The following GALNTL6 variants were observed in gnomAD, a reference collection of about 807,000 sequenced individuals.
GALNTL6 encodes the protein polypeptide N-acetylgalactosaminyltransferase like 6.
Under a neutral mutation model 73.7 loss-of-function variants are expected in GALNTL6, and 46 were observed. The ratio of observed to expected loss-of-function variants is 0.62; its 90% confidence interval spans 0.49 to 0.80. GALNTL6 has a LOEUF of 0.80. Ranked by LOEUF, GALNTL6 falls within the 30% of genes least tolerant of loss-of-function variation. The pLI is 0.00. For synonymous variants in GALNTL6, 259 were observed against 263.7 expected, an observed-to-expected ratio of 0.98 and a Z score of 0.17; for missense variants, 604 against 755.0, an observed-to-expected ratio of 0.80 and a Z score of 2.34.
intron 10 of GALNTL6, among the ~76,000 whole-genome samples, chr4:172,978,219 C>T (rs1490388509): frequency 6.6e-6 from 1 of 152,134 alleles, no homozygotes; most frequent in African/African-American, 2.4e-5. Context: ...CTGGATATAG[C>T]TTTGCTTGAA....
chr4:172,948,591 TA>T (rs1749285153), intron 9 of GALNTL6, among the ~76,000 whole-genome samples: 1 of 151,450 alleles, frequency 6.6e-6, no homozygotes, highest in African/African-American at 2.4e-5. Context: ...TAGCTGGGAT[TA>T]CAGGCACCTG....
rs144004078 is a variant in GALNTL6, at chr4:172,230,924, C to G, written c.247+1160C>G. ...AAATTGTTCTGGGCTGTGAAATGTT[C>G]GTAGCTCTGTATCAGGTATGGCTGA... is the stretch of plus-strand genomic sequence containing the variant. On this transcript the variant is annotated intron_variant, in intron 3 of 12. Coordinates refer to ENST00000506823, the MANE Select transcript of GALNTL6 (RefSeq NM_001034845.3). Among the ~76,000 whole-genome samples the G allele has an allele frequency of 1.5e-3, 232 of 152,234 alleles. 1 individual carries two copies. The highest frequency in any genetic ancestry group is 5.4e-3 in the African/African-American group (223 of 41,542).
intron 12 of GALNTL6, among the ~76,000 whole-genome samples, chr4:173,034,169 C>G (rs1753587647): frequency 6.6e-6 from 1 of 152,202 alleles, no homozygotes; most frequent in Non-Finnish European, 1.5e-5. Flanking sequence ...GGGTCACCCC[C>G]AACTCATCCC....
chr4:172,180,894 C>A (rs1249321141), intron 2 of GALNTL6, among the ~76,000 whole-genome samples: 2 of 152,150 alleles, frequency 1.3e-5, no homozygotes, highest in African/African-American at 2.4e-5. Flanking sequence ...ATGCCTCAAG[C>A]TTTGTTCTTT....
At chr4:172,210,793 T>G (rs2110925245) in intron 2 of GALNTL6, among the ~76,000 whole-genome samples, 1 of 152,294 alleles carries the variant, frequency 6.6e-6, no homozygotes, top group South Asian at 2.1e-4. Flanking sequence ...GGGTGGAATA[T>G]GTACATAATT....
At chr4:172,522,763 GT>G (rs1365466774) in intron 5 of GALNTL6, among the ~76,000 whole-genome samples, 1 of 150,192 alleles carries the variant, frequency 6.7e-6, no homozygotes, top group Non-Finnish European at 1.5e-5. Flanking sequence ...CACGCCATTT[GT>G]CATTTAAAAG....
At chr4:172,124,077 G>C (rs1733226551) in intron 2 of GALNTL6, among the ~76,000 whole-genome samples, 1 of 152,096 alleles carries the variant, frequency 6.6e-6, no homozygotes. Flanking sequence ...AAATCTGATG[G>C]AAGTTTGTTA....
intron 2 of GALNTL6, among the ~76,000 whole-genome samples, chr4:172,193,320 C>T (rs1377723483): frequency 2.0e-5 from 3 of 152,184 alleles, no homozygotes; most frequent in Non-Finnish European, 4.4e-5. Context: ...GAAGAAGTAG[C>T]AGGCAGCTAT....
At chr4:172,204,613 G>C (rs1288522408) in intron 2 of GALNTL6, among the ~76,000 whole-genome samples, 1 of 152,060 alleles carries the variant, frequency 6.6e-6, no homozygotes, top group African/African-American at 2.4e-5. Context: ...ATTTTCAAAA[G>C]TGTCTTAGTT....
chr4:172,821,402 A>G (rs1420669296), intron 7 of GALNTL6, among the ~76,000 whole-genome samples: 1 of 152,072 alleles, frequency 6.6e-6, no homozygotes, highest in Non-Finnish European at 1.5e-5. Context: ...ATTTTCTTTT[A>G]CTCTCCTTGT....
At chr4:172,640,404 C>A (rs1381115237) in intron 5 of GALNTL6, among the ~76,000 whole-genome samples, 1 of 152,122 alleles carries the variant, frequency 6.6e-6, no homozygotes, top group Non-Finnish European at 1.5e-5. Context: ...CATTTAATCT[C>A]ATGTCTTTAA....
chr4:172,158,466 G>A (rs1734354155), intron 2 of GALNTL6, among the ~76,000 whole-genome samples: 2 of 151,124 alleles, frequency 1.3e-5, no homozygotes, highest in African/African-American at 2.4e-5. Flanking sequence ...ATATCAAACT[G>A]TAGTTTTATG....
chr4:172,030,288 A>G lies in GALNTL6; in HGVS notation c.139-199368A>G, dbSNP rs143263159. On this transcript the variant is annotated intron_variant, in intron 2 of 12. Coordinates refer to ENST00000506823, the MANE Select transcript of GALNTL6 (RefSeq NM_001034845.3). Reference sequence around the variant, plus strand: ...ACAATAGCTCTGGTTTACAAAATAAATATGATACCTATTTTCTTAAAGGTA... The same window carrying G: ...ACAATAGCTCTGGTTTACAAAATAAGTATGATACCTATTTTCTTAAAGGTA... 7.2e-3 allele frequency among the ~76,000 whole-genome samples: 1,094 copies of G among 152,232 alleles called. 12 individuals are homozygous for G. Among genetic ancestry groups the G allele is most frequent in the Non-Finnish European group, 0.013 (909 of 67,998 alleles).
At chr4:172,607,303 C>G (rs951974459) in intron 5 of GALNTL6, among the ~76,000 whole-genome samples, 1 of 152,104 alleles carries the variant, frequency 6.6e-6, no homozygotes, top group African/African-American at 2.4e-5. Flanking sequence ...CCAACCTCCA[C>G]CCTCAAGTAG....
chr4:172,427,337 C>G (rs1389684149), intron 5 of GALNTL6, among the ~76,000 whole-genome samples: 1 of 152,082 alleles, frequency 6.6e-6, no homozygotes, highest in South Asian at 2.1e-4. Flanking sequence ...GGGGAACTCT[C>G]CTTTATAAAA....
At chr4:172,334,213 A>C (rs1354169870) in intron 4 of GALNTL6, among the ~76,000 whole-genome samples, 1 of 152,128 alleles carries the variant, frequency 6.6e-6, no homozygotes, top group Non-Finnish European at 1.5e-5. Context: ...CTTTTTGCTT[A>C]GGACTGCTTT....
chr4:172,851,036 A>T (rs1012911028), intron 7 of GALNTL6, among the ~76,000 whole-genome samples: 4 of 152,062 alleles, frequency 2.6e-5, no homozygotes, highest in Non-Finnish European at 5.9e-5. Flanking sequence ...ACTCATTATT[A>T]ACTCAATTTC....
At chr4:172,650,460 C>T (rs574931310) in intron 5 of GALNTL6, among the ~76,000 whole-genome samples, 97 of 152,040 alleles carry the variant, frequency 6.4e-4, no homozygotes, top group Non-Finnish European at 1.1e-3. Flanking sequence ...CTTAATGAGT[C>T]AGGAAAAAAA....
chr4:172,068,903 G>A lies in GALNTL6; in HGVS notation c.139-160753G>A, dbSNP rs761122175. Among the ~76,000 whole-genome samples, 10 of 110,024 alleles carry A rather than the reference G, an allele frequency of 9.1e-5. 3 individuals are homozygous for A. The highest frequency in any genetic ancestry group is 2.8e-4 in the Admixed American group (3 of 10,606). The allele number at this position is 110,024 out of a possible 152,430, so 72.2% of individuals were successfully genotyped here. On this transcript the variant is annotated intron_variant, in intron 2 of 12. Coordinates refer to ENST00000506823, the MANE Select transcript of GALNTL6 (RefSeq NM_001034845.3). ...GAGCATCTTTTAGCAGGCTTTGTAA[G>A]CAGTTTGGTGCCTGCATTCTTGTTC... is the stretch of plus-strand genomic sequence containing the variant.
Sources: allele counts gnomAD v4.1 joint callset (sites outside exome capture counted in the v4.1 genomes callset), GRCh38; gene constraint gnomAD v4.1.1; transcripts MANE v1.5; gene names NCBI Gene and HGNC (gene_info 2026-07-23, HGNC 2026-07-21).